The following LZTFL1 variants were observed in gnomAD, a reference collection of about 807,000 sequenced individuals.
The protein encoded by LZTFL1 is leucine zipper transcription factor-like protein 1.
A neutral mutation model predicts 45.9 loss-of-function variants in LZTFL1; 25 were observed. The observed-to-expected ratio is 0.54, with a 90% CI of 0.40 to 0.76. The LOEUF is 0.76. Among genes scored for constraint, LZTFL1 ranks in the 30% least tolerant of loss-of-function variants. LZTFL1 has a pLI of 0.00. For synonymous variants in LZTFL1, 93 were observed against 117.4 expected, an observed-to-expected ratio of 0.79 and a Z score of 1.35; for missense variants, 277 against 331.1, an observed-to-expected ratio of 0.84 and a Z score of 1.27.
chr3:45,898,261 G>C (rs1364555824), intron 2 of LZTFL1, among the ~76,000 whole-genome samples: 1 of 152,148 alleles, frequency 6.6e-6, no homozygotes, highest in Non-Finnish European at 1.5e-5. Context: ...CAGGACGACT[G>C]TCTTAGTGGG....
rs562893191 is a variant in LZTFL1, at chr3:45,900,259, GTGTGTA to G, written c.-215+12855_-215+12860del. ...TGTATGTAGGGTTGAGAGTGTCTGT[GTGTGTA>G]TGTGTATGTGCATGTGTATGTGGGT... is the stretch of plus-strand genomic sequence containing the variant. On this transcript the variant is annotated intron_variant, in intron 2 of 4. Transcript: ENST00000472635. The surrounding 1 kb of genome is among the most constrained non-coding windows in gnomAD (Gnocchi z 4.7). Among the ~76,000 whole-genome samples, 1 of 152,182 alleles carries G rather than the reference GTGTGTA, an allele frequency of 6.6e-6. No individual in the cohort carries two copies. Among genetic ancestry groups the G allele is most frequent in the Non-Finnish European group, 1.5e-5 (1 of 68,014 alleles).
intron 2 of LZTFL1, among the ~76,000 whole-genome samples, chr3:45,888,356 G>A (rs542333042): frequency 1.3e-5 from 2 of 152,268 alleles, no homozygotes; most frequent in South Asian, 4.1e-4. Flanking sequence ...TCTCCCCAGA[G>A]CTAAAGACAT....
intron 2 of LZTFL1, among the ~76,000 whole-genome samples, chr3:45,877,328 G>C (rs1395645453): frequency 6.6e-6 from 1 of 151,132 alleles, no homozygotes; most frequent in Non-Finnish European, 1.5e-5. Context: ...CCGCCTCCCA[G>C]GTTCAAGCAA....
At chr3:45,854,244 A>C (rs1701351442) in intron 4 of LZTFL1, among the ~76,000 whole-genome samples, 1 of 152,138 alleles carries the variant, frequency 6.6e-6, no homozygotes, top group African/African-American at 2.4e-5. Context: ...CCAGGGTTTC[A>C]TCTGTTGCAT....
chr3:45,891,114 A>T (rs1167239330), intron 2 of LZTFL1, among the ~76,000 whole-genome samples: 8 of 152,176 alleles, frequency 5.3e-5, no homozygotes, highest in African/African-American at 1.9e-4. Context: ...AAAAAAAGTC[A>T]TTTTTCAGAT....
At chr3:45,902,092 G>A in intron 2 of LZTFL1, 1 of 555,462 alleles carries the variant, frequency 1.8e-6, no homozygotes, top group Non-Finnish European at 3.2e-6. Flanking sequence ...GCAGGAGGCT[G>A]TTGATTGGCT....
At position 45,842,100 on chromosome 3, in the gene LZTFL1, T is replaced by G. The variant is rs780725926; in HGVS notation, c.-109A>C. 6.4e-7 allele frequency: 1 copy of G among 1,555,344 alleles called. No homozygotes were observed. Among genetic ancestry groups the G allele is most frequent in the Non-Finnish European group, 8.7e-7 (1 of 1,154,080 alleles). On this transcript the variant is annotated 5_prime_UTR_variant, in exon 1 of 10. Transcript: ENST00000296135. ...GACCACAGAAAATGGGGAAGGAGGGTAGGTTGTTTAGAAGCCTCTGGTTGC... is the reference window on the plus strand; with the variant it reads ...GACCACAGAAAATGGGGAAGGAGGGGAGGTTGTTTAGAAGCCTCTGGTTGC...
chr3:45,878,252 G>C (rs1701787445), intron 2 of LZTFL1, among the ~76,000 whole-genome samples: 1 of 152,182 alleles, frequency 6.6e-6, no homozygotes, highest in African/African-American at 2.4e-5. Flanking sequence ...GCCAGCACCA[G>C]CCCGAGGCCT....
At position 45,901,795 on chromosome 3, in the gene LZTFL1, G is replaced by A. The variant is rs149156206; in HGVS notation, c.-215+11325C>T. 1.3e-4 allele frequency: 209 copies of A among 1,614,036 alleles called. No homozygotes were observed. The highest frequency in any genetic ancestry group is 1.6e-4 in the Non-Finnish European group (192 of 1,180,038). ...CTCGTGAAAACCCTGAAGAACTTGG[G>A]TTGCATCAGCCAGGCCCAGTGGGTT... On this transcript the variant is annotated intron_variant, in intron 2 of 4. Transcript: ENST00000472635. This position sits in a 1 kb window ranked among gnomAD's most constrained non-coding sequence, Gnocchi z 4.3.
Position 45,901,730 on chromosome 3 carries a change from T to C in LZTFL1, c.-215+11390A>G, listed in dbSNP as rs1214728852. 1.2e-6 allele frequency: 2 copies of C among 1,614,228 alleles called. No homozygotes were observed. Among genetic ancestry groups the C allele is most frequent in the Non-Finnish European group, 1.7e-6 (2 of 1,180,036 alleles). On this transcript the variant is annotated intron_variant, in intron 2 of 4. Transcript: ENST00000472635. This position sits in a 1 kb window ranked among gnomAD's most constrained non-coding sequence, Gnocchi z 4.3. ...CCTTCTTCCACAGTTGCCTGAACCCTGTTCTCTATGTTTTTGTGGGTGAGA... is the reference window on the plus strand; with the variant it reads ...CCTTCTTCCACAGTTGCCTGAACCCCGTTCTCTATGTTTTTGTGGGTGAGA...
Position 45,901,243 on chromosome 3 carries a change from T to C in LZTFL1, c.-215+11877A>G, listed in dbSNP as rs377674879. On this transcript the variant is annotated intron_variant, in intron 2 of 4. Transcript: ENST00000472635. The surrounding 1 kb of genome is among the most constrained non-coding windows in gnomAD (Gnocchi z 4.3). Reference sequence around the variant, plus strand: ...AGGTACATTGCCATTGCCCAGGCCATGAGAGCACATACTTGGAGGGAGAAA... The same window carrying C: ...AGGTACATTGCCATTGCCCAGGCCACGAGAGCACATACTTGGAGGGAGAAA... The C allele has an allele frequency of 5.0e-6, 8 of 1,614,076 alleles. No individual in the cohort carries two copies. In the African/African-American group the frequency reaches 6.7e-5, roughly 13 times the overall value.
chr3:45,863,744 G>A (rs1006587274), intron 2 of LZTFL1, among the ~76,000 whole-genome samples: 1 of 152,160 alleles, frequency 6.6e-6, no homozygotes, highest in Non-Finnish European at 1.5e-5. Context: ...ATCGGCCACT[G>A]GCCAAGCAGC....
At chr3:45,838,765 T>A (rs1185959126) in intron 1 of LZTFL1, among the ~76,000 whole-genome samples, 21 of 152,314 alleles carry the variant, frequency 1.4e-4, no homozygotes, top group Admixed American at 1.2e-3. Flanking sequence ...TTAGTTGGAT[T>A]TGTAATTAAG....
At chr3:45,911,123 C>T (rs758135468) in intron 2 of LZTFL1, among the ~76,000 whole-genome samples, 7 of 152,160 alleles carry the variant, frequency 4.6e-5, no homozygotes, top group South Asian at 2.1e-4. Flanking sequence ...GACATGGCAC[C>T]GGAAGCCACA....
upstream of LZTFL1, chr3:45,842,294 CA>C (rs910137976): frequency 3.8e-5 from 29 of 765,200 alleles, no homozygotes; most frequent in Admixed American, 9.0e-4. Context: ...ACTGCAGTTG[CA>C]GAAGGTAGCG....
In LZTFL1 at chr3:45,890,335, A is replaced by AT. The variant is rs1553616543; in HGVS notation, c.-215+22784_-215+22785insA. Reference sequence around the variant, plus strand: ...TATATATTTATATAAATATATATATAACATATATATATAACATATATATAT... The same window carrying AT: ...TATATATTTATATAAATATATATATATACATATATATATAACATATATATAT... On this transcript the variant is annotated intron_variant, in intron 2 of 4. Transcript: ENST00000472635. Among the ~76,000 whole-genome samples the AT allele has an allele frequency of 1.1e-4, 7 of 61,746 alleles. No homozygotes were observed. In the South Asian group the frequency reaches 1.5e-3, roughly 13 times the overall value. 40.5% of individuals were successfully genotyped at this position (61,746 alleles called of 152,430 possible). A position where few individuals can be genotyped will look rare whatever the true frequency, so the allele number is the denominator to read the frequency against.
Position 45,837,911 on chromosome 3 carries a change from A to C in LZTFL1, c.128+16T>G. ...CCATGTTCCTATTTGGTTTGCTTAG[A>C]GTCCTCCTCTGATACCTGCTCTCCT... On this transcript the variant is annotated intron_variant, in intron 2 of 9. Coordinates refer to ENST00000296135, the MANE Select transcript of LZTFL1 (RefSeq NM_020347.4). 1 of 1,593,864 alleles carries C rather than the reference A, an allele frequency of 6.3e-7. No homozygotes were observed. The highest frequency in any genetic ancestry group is 8.5e-7 in the Non-Finnish European group (1 of 1,173,542).
chr3:45,824,005 T>G lies in LZTFL1; in HGVS notation c.*2309A>C, dbSNP rs1700603180. The G allele has an allele frequency of 6.6e-6, 1 of 152,158 alleles. No homozygotes were observed. Among genetic ancestry groups the G allele is most frequent in the Admixed American group, 6.5e-5 (1 of 15,270 alleles). The allele number at this position is 152,158 out of a possible 1,614,324, so 9.4% of individuals were successfully genotyped here. A position where few individuals can be genotyped will look rare whatever the true frequency, so the allele number is the denominator to read the frequency against. ...ACATAAGCAAATTATCATTTAAACA[T>G]TTATTTAATATAGGTTAAAATGTAA... is the stretch of plus-strand genomic sequence containing the variant. On this transcript the variant is annotated 3_prime_UTR_variant, in exon 10 of 10. Coordinates refer to ENST00000296135, the MANE Select transcript of LZTFL1 (RefSeq NM_020347.4).
chr3:45,849,651 ACTAACC>A (rs1308277733), intron 4 of LZTFL1, among the ~76,000 whole-genome samples: 1 of 152,200 alleles, frequency 6.6e-6, no homozygotes, highest in Non-Finnish European at 1.5e-5. Flanking sequence ...AGCCTGCAAA[ACTAACC>A]CAAGTACAGG....
Sources: gnomAD v4.1 joint callset for allele counts (sites outside exome capture counted in the v4.1 genomes callset) on GRCh38, gnomAD v4.1.1 for gene constraint, Gnocchi (gnomAD v3.1) non-coding constraint, MANE v1.5 for transcripts, NCBI Gene and HGNC (gene_info 2026-07-23, HGNC 2026-07-21) for gene names.